Variants in FAM78B observed in about 807,000 individuals in gnomAD.
The protein encoded by FAM78B is protein FAM78B.
In FAM78B, 10 loss-of-function variants were observed where a neutral mutation model predicts 20.0. That is an observed-to-expected ratio of 0.50 (90% CI 0.31 to 0.85). The LOEUF (loss-of-function observed/expected upper bound fraction) is 0.85. FAM78B is among the 40% of genes least tolerant of loss of function. The pLI is 0.05. For synonymous variants in FAM78B, 135 were observed against 132.8 expected (o/e 1.02, Z -0.12); for missense variants, 283 against 345.0 (o/e 0.82, Z 1.42).
At chr1:166,084,237 A>ACACCCTCTCTCT (rs771421402) in intron 1 of FAM78B, among the ~76,000 whole-genome samples, 1 of 125,416 alleles carries the variant, frequency 8.0e-6, no homozygotes, top group Non-Finnish European at 1.7e-5. Flanking sequence ...ACACACACAC[A>ACACCCTCTCTCT]CTCTCTCTCT....
chr1:166,101,685 G>A (rs1369527772), intron 1 of FAM78B, among the ~76,000 whole-genome samples: 1 of 152,164 alleles, frequency 6.6e-6, no homozygotes, highest in East Asian at 1.9e-4. Context: ...AACGAACAAA[G>A]CCTCCAAGAA....
chr1:166,101,951 GC>G (rs1487564423), intron 1 of FAM78B, among the ~76,000 whole-genome samples: 1 of 152,142 alleles, frequency 6.6e-6, no homozygotes, highest in African/African-American at 2.4e-5. Context: ...GTTAAGGGCA[GC>G]CAGAGAGAAA....
intron 1 of FAM78B, chr1:166,086,953 T>G (rs1182651450): frequency 6.6e-6 from 1 of 152,092 alleles, no homozygotes. Flanking sequence ...TGTGGCCACA[T>G]GCAGTGTGGC....
chr1:166,080,470 T>C (rs1652519677), intron 1 of FAM78B, among the ~76,000 whole-genome samples: 1 of 152,182 alleles, frequency 6.6e-6, no homozygotes, highest in African/African-American at 2.4e-5. Context: ...TGATCATAGC[T>C]CACACTTAAC....
intron 1 of FAM78B, among the ~76,000 whole-genome samples, chr1:166,073,278 G>C (rs1226479057): frequency 2.6e-5 from 4 of 152,176 alleles, no homozygotes; most frequent in Non-Finnish European, 4.4e-5. Flanking sequence ...TTCTGCAACT[G>C]TGCTTTTGGG....
chr1:166,109,821 T>C (rs1653932666), intron 1 of FAM78B, among the ~76,000 whole-genome samples: 1 of 18,290 alleles, frequency 5.5e-5, no homozygotes, highest in South Asian at 2.3e-3. Context: ...TATGTATATA[T>C]ATATATATAT....
intron 1 of FAM78B, among the ~76,000 whole-genome samples, chr1:166,112,847 A>T (rs973882354): frequency 6.6e-6 from 1 of 152,190 alleles, no homozygotes. Context: ...CATTTTACAG[A>T]TGTGGAAACC....
At chr1:166,063,173 C>G (rs190300406) in intron 2 of FAM78B, among the ~76,000 whole-genome samples, 19 of 152,314 alleles carry the variant, frequency 1.2e-4, no homozygotes, top group Admixed American at 6.5e-4. Flanking sequence ...GGGGAAAATG[C>G]GCAGCTCCCA....
intron 1 of FAM78B, among the ~76,000 whole-genome samples, chr1:166,139,359 CTT>C (rs1475299754): frequency 1.1e-4 from 16 of 152,102 alleles, no homozygotes; most frequent in African/African-American, 3.9e-4. Context: ...CAAGCAGACT[CTT>C]TATTCATTCA....
chr1:166,131,426 C>A (rs1306456962), intron 1 of FAM78B, among the ~76,000 whole-genome samples: 3 of 152,198 alleles, frequency 2.0e-5, no homozygotes, highest in Admixed American at 6.5e-5. Context: ...AGAGTTAAAG[C>A]AACTCCACTG....
At chr1:166,117,899 T>C (rs1654318998) in intron 1 of FAM78B, among the ~76,000 whole-genome samples, 2 of 152,124 alleles carry the variant, frequency 1.3e-5, no homozygotes, top group East Asian at 1.9e-4. Context: ...TCCCACAGAA[T>C]TGCTCACCTT....
At chr1:166,124,160 T>C (rs1654560784) in intron 1 of FAM78B, among the ~76,000 whole-genome samples, 1 of 152,234 alleles carries the variant, frequency 6.6e-6, no homozygotes, top group Non-Finnish European at 1.5e-5. Context: ...TGCTTCTATG[T>C]CTGGCTCATG....
Position 166,166,273 on chromosome 1 carries a change from G to C in FAM78B, c.-25C>G. 7.8e-7 allele frequency: 1 copy of C among 1,281,324 alleles called. No homozygotes were observed. The highest frequency in any genetic ancestry group is 9.9e-7 in the Non-Finnish European group (1 of 1,011,562). The allele number at this position is 1,281,324 out of a possible 1,614,324, so 79.4% of individuals were successfully genotyped here. A position where few individuals can be genotyped will look rare whatever the true frequency, so the allele number is the denominator to read the frequency against. On this transcript the variant is annotated 5_prime_UTR_variant, in exon 1 of 2. Coordinates refer to ENST00000354422, the MANE Select transcript of FAM78B (RefSeq NM_001017961.5). ...TCCTGCAGCCCGGTGCCGGCACGGC[G>C]CGGCGTGGGGCAGCGCGGGGGCCCG...
At chr1:166,062,245 A>G (rs980464794) in intron 2 of FAM78B, among the ~76,000 whole-genome samples, 2 of 152,150 alleles carry the variant, frequency 1.3e-5, no homozygotes, top group Admixed American at 1.3e-4. Flanking sequence ...CCATCAAGCC[A>G]AAATCAGGCC....
intron 1 of FAM78B, among the ~76,000 whole-genome samples, chr1:166,157,757 GTC>G (rs1431653810): frequency 6.6e-6 from 1 of 152,196 alleles, no homozygotes; most frequent in Non-Finnish European, 1.5e-5. Flanking sequence ...TACCTGGGTA[GTC>G]TGGGTGACTG....
chr1:166,126,622 G>A (rs1333239113), intron 1 of FAM78B, among the ~76,000 whole-genome samples: 1 of 152,084 alleles, frequency 6.6e-6, no homozygotes, highest in African/African-American at 2.4e-5. Context: ...TGGTAAGAGG[G>A]CACGTGAGGC....
intron 1 of FAM78B, among the ~76,000 whole-genome samples, chr1:166,099,383 A>G (rs1270761145): frequency 6.6e-6 from 1 of 152,226 alleles, no homozygotes; most frequent in African/African-American, 2.4e-5. Context: ...TACACAGGCA[A>G]CAAAGAGCAT....
In FAM78B at chr1:166,148,951, T is replaced by C. The variant is rs528794498; in HGVS notation, c.263+17035A>G. On this transcript the variant is annotated intron_variant, in intron 1 of 1. Coordinates refer to ENST00000354422, the MANE Select transcript of FAM78B (RefSeq NM_001017961.5). ...AGAATGATGATTTCCAATTTCATCCTTGTCCCTACAAAGGACATGAACTCA... is the reference window on the plus strand; with the variant it reads ...AGAATGATGATTTCCAATTTCATCCCTGTCCCTACAAAGGACATGAACTCA... Among the ~76,000 whole-genome samples, 165 of 152,348 alleles carry C rather than the reference T, an allele frequency of 1.1e-3. 1 individual carries two copies. Among genetic ancestry groups the C allele is most frequent in the African/African-American group, 3.6e-3 (151 of 41,588 alleles).
At chr1:166,101,991 T>C (rs1653543014) in intron 1 of FAM78B, among the ~76,000 whole-genome samples, 1 of 152,132 alleles carries the variant, frequency 6.6e-6, no homozygotes. Flanking sequence ...GGGAAGCCCA[T>C]CAGACTAACA....
Sources: gnomAD v4.1 joint callset for allele counts (sites outside exome capture counted in the v4.1 genomes callset) on GRCh38, gnomAD v4.1.1 for gene constraint, MANE v1.5 for transcripts, NCBI Gene and HGNC (gene_info 2026-07-23, HGNC 2026-07-21) for gene names.